The following SLC36A1 variants were observed in gnomAD, a reference collection of about 807,000 sequenced individuals.
SLC36A1 encodes solute carrier family 36 member 1, also known as proton-coupled amino acid transporter 1.
In SLC36A1, 30 loss-of-function variants were observed where a neutral mutation model predicts 47.5. That is an observed-to-expected ratio of 0.63 (90% CI 0.47 to 0.86). The LOEUF (loss-of-function observed/expected upper bound fraction) is 0.86. Ranked by LOEUF, SLC36A1 falls within the 40% of genes least tolerant of loss-of-function variation. The probability of loss-of-function intolerance (pLI) is 0.00; values close to 1 mark genes in which losing one functional copy is unlikely to be tolerated. For synonymous variants in SLC36A1, 255 were observed against 249.7 expected (o/e 1.02, Z -0.20); for missense variants, 517 against 606.0 (o/e 0.85, Z 1.54).
At chr5:151,544,268 C>T in the SLC36A1 span, 2 of 1,614,174 alleles carry the variant, frequency 1.2e-6, no homozygotes, top group East Asian at 2.2e-5. Flanking sequence ...GGGGTCTGAG[C>T]AGGCAAGCCT....
chr5:151,446,388 C>T (rs890761679), upstream of SLC36A1, among the ~76,000 whole-genome samples: 26 of 152,052 alleles, frequency 1.7e-4, no homozygotes, highest in East Asian at 1.2e-3. Context: ...AAATTAGTCG[C>T]GCGTGGTGGC....
At chr5:151,424,310 C>G in the SLC36A1 span, among the ~76,000 whole-genome samples, 1 of 152,074 alleles carries the variant, frequency 6.6e-6, no homozygotes, top group African/African-American at 2.4e-5. Flanking sequence ...TCAGAGAAGG[C>G]GAAGGGATGG....
At chr5:151,443,525 A>G (rs760754609), upstream of SLC36A1, among the ~76,000 whole-genome samples, 2 of 151,930 alleles carry the variant, frequency 1.3e-5, no homozygotes, top group Non-Finnish European at 1.5e-5. Flanking sequence ...TTGTTTTTCT[A>G]TTGCTGAGTT....
rs1758892135 is a variant in SLC36A1 at position 151,482,207 on chromosome 5, A to G, written c.1159+2718A>G. Among the ~76,000 whole-genome samples the G allele has an allele frequency of 2.0e-5, 3 of 152,072 alleles. No homozygotes were observed. In the South Asian group the frequency reaches 6.2e-4, roughly 31 times the overall value. On this transcript the variant is annotated intron_variant, in intron 10 of 10. Coordinates refer to ENST00000243389, the MANE Select transcript of SLC36A1 (RefSeq NM_078483.4). Reference sequence around the variant, plus strand: ...TTCTTAGTACCTTTGGGCCTTTCACACTTTTTAGTCTTGCAGCTACAGTGA... The same window carrying G: ...TTCTTAGTACCTTTGGGCCTTTCACGCTTTTTAGTCTTGCAGCTACAGTGA...
chr5:151,547,042 C>T, the SLC36A1 span, among the ~76,000 whole-genome samples: 3 of 152,118 alleles, frequency 2.0e-5, no homozygotes, highest in African/African-American at 7.2e-5. Flanking sequence ...TGTTATGTTA[C>T]ACTATTATTT....
chr5:151,483,267 T>C (rs1440708200), intron 10 of SLC36A1, among the ~76,000 whole-genome samples: 1 of 152,214 alleles, frequency 6.6e-6, no homozygotes, highest in East Asian at 1.9e-4. Context: ...CAGTTCCTTC[T>C]GTGAACATGA....
At chr5:151,465,446 T>C (rs1368400529) in intron 5 of SLC36A1, among the ~76,000 whole-genome samples, 1 of 152,242 alleles carries the variant, frequency 6.6e-6, no homozygotes, top group Admixed American at 6.5e-5. Flanking sequence ...GACCAGTGAT[T>C]GTTTTTGATT....
At chr5:151,454,858 G>T (rs149006320) in intron 1 of SLC36A1, among the ~76,000 whole-genome samples, 1 of 151,876 alleles carries the variant, frequency 6.6e-6, no homozygotes, top group African/African-American at 2.4e-5. Context: ...GACTACAGGC[G>T]CCCGCTACCA....
chr5:151,505,932 A>T, the SLC36A1 span: 1 of 1,583,972 alleles, frequency 6.3e-7, no homozygotes, highest in African/African-American at 1.4e-5. Flanking sequence ...CTCCAGGGGG[A>T]AGGGGAAGCC....
chr5:151,446,526 G>T (rs1752928916), upstream of SLC36A1, among the ~76,000 whole-genome samples: 1 of 151,546 alleles, frequency 6.6e-6, no homozygotes, highest in Admixed American at 6.6e-5. Context: ...GCGCAACTTT[G>T]TCTCAAAGAA....
At chr5:151,393,072 G>C in the SLC36A1 span, among the ~76,000 whole-genome samples, 1 of 151,694 alleles carries the variant, frequency 6.6e-6, no homozygotes, top group Non-Finnish European at 1.5e-5. Context: ...CTTGCTTTAT[G>C]AATCTGGGTG....
the SLC36A1 span, among the ~76,000 whole-genome samples, chr5:151,350,899 T>C: frequency 1.3e-5 from 2 of 152,116 alleles, no homozygotes; most frequent in Non-Finnish European, 2.9e-5. Flanking sequence ...GGTTTTGCCA[T>C]GTTGCCCAGG....
At chr5:151,507,119 A>G in the SLC36A1 span, 3 of 1,514,752 alleles carry the variant, frequency 2.0e-6, no homozygotes, top group Non-Finnish European at 2.7e-6. Flanking sequence ...CACTTCCATC[A>G]ATCCCAGAGG....
intron 5 of SLC36A1, 90 bp from the exon 6 acceptor site, chr5:151,467,109 T>TA: frequency 9.6e-7 from 1 of 1,038,730 alleles, no homozygotes. Flanking sequence ...CTAAATCTAT[T>TA]AAAAAACAAA....
chr5:151,540,517 CT>C, the SLC36A1 span: 359 of 1,546,916 alleles, frequency 2.3e-4, 2 homozygotes, highest in African/African-American at 4.4e-3. Flanking sequence ...ACCCCTCACT[CT>C]TATCTTCCTT....
At chr5:151,471,867 CA>C (rs1184861146) in intron 7 of SLC36A1, among the ~76,000 whole-genome samples, 1 of 152,176 alleles carries the variant, frequency 6.6e-6, no homozygotes, top group Non-Finnish European at 1.5e-5. Context: ...ACAGTTAAAT[CA>C]ATTTTAAAAC....
chr5:151,423,292 C>T, the SLC36A1 span, among the ~76,000 whole-genome samples: 1 of 152,148 alleles, frequency 6.6e-6, no homozygotes, highest in Admixed American at 6.5e-5. Context: ...TTGGTATTTA[C>T]CCAAATGAGT....
chr5:151,355,574 G>T, the SLC36A1 span, among the ~76,000 whole-genome samples: 4 of 152,238 alleles, frequency 2.6e-5, no homozygotes, highest in Admixed American at 2.0e-4. Context: ...GAGACAACCT[G>T]CATGTACCAC....
the SLC36A1 span, chr5:151,507,193 C>T: frequency 8.1e-6 from 13 of 1,606,452 alleles, no homozygotes; most frequent in Middle Eastern, 1.7e-4. Context: ...ATGACAGGCT[C>T]ATTGTCAGAG....
Sources: allele counts gnomAD v4.1 joint callset (sites outside exome capture counted in the v4.1 genomes callset), GRCh38; gene constraint gnomAD v4.1.1; transcripts MANE v1.5; gene names NCBI Gene and HGNC (gene_info 2026-07-23, HGNC 2026-07-21).